The following DPP6 variants were observed in gnomAD, a reference collection of about 807,000 sequenced individuals.
The protein encoded by DPP6 is A-type potassium channel modulatory protein DPP6.
In DPP6, 69 loss-of-function variants were observed where a neutral mutation model predicts 122.6. The ratio of observed to expected loss-of-function variants is 0.56; its 90% CI spans 0.46 to 0.69. The LOEUF is 0.69. Ranked by LOEUF, DPP6 falls within the 30% of genes least tolerant of loss-of-function variation. The pLI, the probability that DPP6 is intolerant of heterozygous loss-of-function variation, is 0.00. For missense variants in DPP6, 928 were observed against 1,116.9 expected (o/e 0.83, Z 2.41); for synonymous variants, 418 against 433.1 (o/e 0.97, Z 0.43).
chr7:153,885,564 G>A (rs188039874), upstream of DPP6, among the ~76,000 whole-genome samples: 1 of 152,214 alleles, frequency 6.6e-6, no homozygotes, highest in Non-Finnish European at 1.5e-5. Flanking sequence ...CTTGCACCTT[G>A]GTCTTGGACT....
chr7:154,297,453 TG>T (rs1339409579), intron 1 of DPP6, among the ~76,000 whole-genome samples: 1 of 152,206 alleles, frequency 6.6e-6, no homozygotes, highest in Non-Finnish European at 1.5e-5. Context: ...TTGCTACACC[TG>T]GAAATCAACA....
rs796762554 is a variant in DPP6 at position 154,481,363 on chromosome 7, G to C, written c.457+6326G>C. On this transcript the variant is annotated intron_variant, in intron 3 of 25. Coordinates refer to ENST00000377770, the MANE Select transcript of DPP6 (RefSeq NM_130797.4). This position sits in a 1 kb window ranked among gnomAD's most constrained non-coding sequence, Gnocchi z 4.2. ...GAGAGAGGGGTGTGTGTGTGTGTGT[G>C]TGTGTGTGTGTCTGTGTGTGTGTGC... Among the ~76,000 whole-genome samples the C allele has an allele frequency of 6.6e-6, 1 of 151,482 alleles. No individual in the cohort carries two copies. The highest frequency in any genetic ancestry group is 1.5e-5 in the Non-Finnish European group (1 of 67,926).
In DPP6 at chr7:154,060,328, G is replaced by A. The variant is rs954289792; in HGVS notation, c.243+7265G>A. On this transcript the variant is annotated intron_variant, in intron 1 of 25. Coordinates refer to ENST00000377770, the MANE Select transcript of DPP6 (RefSeq NM_130797.4). ...CTGGCTCTTAGGACCCCCATCGCAGGAGGGGGAGGCACCCCCCGCGAGGCA... is the reference window on the plus strand; with the variant it reads ...CTGGCTCTTAGGACCCCCATCGCAGAAGGGGGAGGCACCCCCCGCGAGGCA... Among the ~76,000 whole-genome samples, 31 of 116,880 alleles carry A rather than the reference G, an allele frequency of 2.7e-4. 2 individuals are homozygous for A. Among genetic ancestry groups the A allele is most frequent in the Admixed American group, 1.6e-3 (20 of 12,312 alleles). The allele number at this position is 116,880 out of a possible 152,430, so 76.7% of individuals were successfully genotyped here. A position where few individuals can be genotyped will look rare whatever the true frequency, so the allele number is the denominator to read the frequency against.
At chr7:153,766,411 T>C in the DPP6 span, among the ~76,000 whole-genome samples, 2 of 152,340 alleles carry the variant, frequency 1.3e-5, no homozygotes, top group East Asian at 3.9e-4. Flanking sequence ...TCTAGATATA[T>C]TTTATGTTTA....
At chr7:154,378,906 AACTC>A (rs1183636666) in intron 1 of DPP6, among the ~76,000 whole-genome samples, 2 of 152,106 alleles carry the variant, frequency 1.3e-5, no homozygotes, top group Admixed American at 6.5e-5. Context: ...ATCTTGTGAA[AACTC>A]ACTCACTATC....
intron 1 of DPP6, among the ~76,000 whole-genome samples, chr7:154,173,234 C>T (rs1192513525): frequency 5.9e-5 from 9 of 152,100 alleles, no homozygotes; most frequent in East Asian, 1.9e-4. Flanking sequence ...ACTGTGCCAG[C>T]GTGGGACGAA....
chr7:154,042,369 A>G (rs7809809), intron 1 of DPP6, among the ~76,000 whole-genome samples: 25,076 of 152,176 alleles, frequency 0.16, 3,007 homozygotes, highest in African/African-American at 0.34. Context: ...AGGTGTTCCA[A>G]TAAGACAGAA....
At chr7:153,881,335 C>T in the DPP6 span, among the ~76,000 whole-genome samples, 2 of 152,190 alleles carry the variant, frequency 1.3e-5, no homozygotes, top group Non-Finnish European at 2.9e-5. Flanking sequence ...TGTAATATAA[C>T]ATTAGCACTG....
intron 1 of DPP6, among the ~76,000 whole-genome samples, chr7:154,215,083 T>G (rs1261835660): frequency 1.3e-5 from 2 of 152,140 alleles, no homozygotes; most frequent in Non-Finnish European, 2.9e-5. Flanking sequence ...TACCTGAGAC[T>G]GGGTAATTTA....
chr7:153,803,264 G>A, the DPP6 span, among the ~76,000 whole-genome samples: 482 of 148,730 alleles, frequency 3.2e-3, 1 homozygote, highest in African/African-American at 0.011. Flanking sequence ...AACCTGAGTG[G>A]GATACAGGAT....
At chr7:154,594,404 T>C (rs935154337) in intron 5 of DPP6, among the ~76,000 whole-genome samples, 2 of 152,198 alleles carry the variant, frequency 1.3e-5, no homozygotes, top group Admixed American at 1.3e-4. Context: ...CTCAGTTTCT[T>C]GCCCCATTGT....
At chr7:154,878,400 G>C (rs1209391945) in intron 20 of DPP6, among the ~76,000 whole-genome samples, 1 of 152,226 alleles carries the variant, frequency 6.6e-6, no homozygotes, top group Non-Finnish European at 1.5e-5. Context: ...GAATGGGAGC[G>C]TGTGGACAAC....
At chr7:154,853,688 T>G (rs1358003154) in intron 16 of DPP6, 92 bp from the exon 17 acceptor site, 6 of 1,537,472 alleles carry the variant, frequency 3.9e-6, no homozygotes, top group Non-Finnish European at 5.3e-6. Flanking sequence ...CACGTCTATC[T>G]ACGTGGCATA....
intron 10 of DPP6, among the ~76,000 whole-genome samples, chr7:154,785,565 A>G (rs1183049779): frequency 6.6e-6 from 1 of 152,130 alleles, no homozygotes; most frequent in East Asian, 1.9e-4. Flanking sequence ...TAACTTCCCA[A>G]TTTGTAAACT....
chr7:154,426,421 T>A (rs1478626704), intron 1 of DPP6, among the ~76,000 whole-genome samples: 2 of 152,180 alleles, frequency 1.3e-5, no homozygotes, highest in Non-Finnish European at 2.9e-5. Context: ...TGTGGGAATT[T>A]GGTGAGCTAT....
rs865967268 is a variant in DPP6, at chr7:153,962,957, C to T, written c.51+75223C>T. ...AATACACATCCTTCAAGACCCAATT[C>T]CAATGTGTTTTCTATTTTGGGGCCT... On this transcript the variant is annotated intron_variant, in intron 1 of 25. Transcript: ENST00000404039. Among the ~76,000 whole-genome samples, 58 of 152,256 alleles carry T rather than the reference C, an allele frequency of 3.8e-4. 2 individuals are homozygous for T. Among genetic ancestry groups the T allele is most frequent in the Middle Eastern group, 3.4e-3 (1 of 294 alleles).
chr7:154,211,815 C>T lies in DPP6; in HGVS notation c.243+158752C>T, dbSNP rs139543785. 3.4e-3 allele frequency among the ~76,000 whole-genome samples: 518 copies of T among 152,286 alleles called. 1 individual carries two copies. Among genetic ancestry groups the T allele is most frequent in the Admixed American group, 7.1e-3 (108 of 15,304 alleles). On this transcript the variant is annotated intron_variant, in intron 1 of 25. Transcript: ENST00000377770. ...TGTCTGTGCTGGAGGTGATGAAACCCCAGGCTTCCACCTGCCCTCATCAGG... is the reference window on the plus strand; with the variant it reads ...TGTCTGTGCTGGAGGTGATGAAACCTCAGGCTTCCACCTGCCCTCATCAGG...
Position 154,853,843 on chromosome 7 carries a change from T to G in DPP6, c.1714+16T>G. 6.2e-7 allele frequency: 1 copy of G among 1,613,452 alleles called. No individual in the cohort carries two copies. The highest frequency in any genetic ancestry group is 8.5e-7 in the Non-Finnish European group (1 of 1,179,780). On this transcript the variant is annotated intron_variant, in intron 17 of 25. Transcript: ENST00000377770. ...GATAAGAAAAGTAAGTGCTCTTTTTTTTCCTTAAATCTTCCTGAGACTCAG... is the reference window on the plus strand; with the variant it reads ...GATAAGAAAAGTAAGTGCTCTTTTTGTTCCTTAAATCTTCCTGAGACTCAG...
At chr7:154,857,856 A>C (rs921517186) in intron 17 of DPP6, among the ~76,000 whole-genome samples, 44 of 152,210 alleles carry the variant, frequency 2.9e-4, no homozygotes, top group African/African-American at 1.0e-3. Context: ...GCCTCAGGTA[A>C]GCTTGAGATC....
Sources: gnomAD v4.1 joint callset for allele counts (sites outside exome capture counted in the v4.1 genomes callset) on GRCh38, gnomAD v4.1.1 for gene constraint, Gnocchi (gnomAD v3.1) non-coding constraint, MANE v1.5 for transcripts, NCBI Gene and HGNC (gene_info 2026-07-23, HGNC 2026-07-21) for gene names.